NOL8: variants seen among roughly 807,000 people sequenced by gnomAD.
NOL8 encodes the protein nucleolar protein 8.
NOL8 carries 93 observed loss-of-function variants against 116.1 expected under a neutral mutation model. That is an observed-to-expected ratio of 0.80 (90% CI 0.68 to 0.95). NOL8 has a LOEUF of 0.95. NOL8 is among the 40% of genes least tolerant of loss of function. NOL8 has a pLI of 0.00. For missense variants in NOL8, 1,291 were observed against 1,382.8 expected (o/e 0.93, Z 1.05); for synonymous variants, 419 against 469.0 (o/e 0.89, Z 1.38).
chr9:92,321,784 T>C (rs2274967), intron 3 of NOL8, 38 bp from the exon 4 acceptor site: 46,124 of 990,684 alleles, frequency 0.047, 1,428 homozygotes, highest in African/African-American at 0.11. Flanking sequence ...CATGGCAATG[T>C]AAAAATATAT....
At chr9:92,301,011 A>G (rs549184920) in intron 13 of NOL8, among the ~76,000 whole-genome samples, 11 of 152,322 alleles carry the variant, frequency 7.2e-5, no homozygotes, top group African/African-American at 2.6e-4. Flanking sequence ...CCTGTGGCCC[A>G]TGTTGGCCTT....
chr9:92,311,198 G>A lies in NOL8; in HGVS notation c.2420C>T (p.Thr807Ile). The A allele has an allele frequency of 1.9e-6, 3 of 1,613,822 alleles. No homozygotes were observed. Among genetic ancestry groups the A allele is most frequent in the Non-Finnish European group, 2.5e-6 (3 of 1,179,830 alleles). ...CTGCTCCTGAGTCGATGTCTCCTCT[G>A]TTTCACATTCACTGTCAGAACCGAA... ...IIFGSDSECE[T>I]EETSTQEQSH... The change falls in exon 8 of 17, where the codon ACA becomes ATA. Residue 807 changes from threonine (T) to isoleucine (I), a missense_variant. Transcript: ENST00000442668.
At chr9:92,323,572 CG>C in intron 2 of NOL8, 69 bp from the exon 3 acceptor site, 1 of 1,284,768 alleles carries the variant, frequency 7.8e-7, no homozygotes, top group Non-Finnish European at 1.0e-6. Flanking sequence ...AATGTAAAAA[CG>C]GTTGTTTCTA....
At chr9:92,303,574 A>G (rs1293188909) in intron 12 of NOL8, among the ~76,000 whole-genome samples, 1 of 152,194 alleles carries the variant, frequency 6.6e-6, no homozygotes, top group African/African-American at 2.4e-5. Context: ...TGCCTGTCAC[A>G]GAAAAAGTTA....
rs760469224 is a variant in NOL8, at chr9:92,307,019, T to C, written c.2692A>G (p.Asn898Asp). ...TCTTCCTCAGCAGTTTTCTTTTCAT[T>C]TACCTCTTTGAGGAAAAGGGATAAT... ...TDSEEEQEEV[N>D]EKKTAEEEEL... The change falls in exon 11 of 17, where the codon AAT (asparagine) becomes GAT (aspartate). Residue 898 changes from asparagine (N) to aspartate (D), a missense_variant. Physicochemically the swap from Asn to Asp is conservative, Grantham distance 23. Coordinates refer to ENST00000442668, the MANE Select transcript of NOL8 (RefSeq NM_017948.6). 4.4e-6 allele frequency: 7 copies of C among 1,608,556 alleles called. No homozygotes were observed. The highest frequency in any genetic ancestry group is 5.9e-6 in the Non-Finnish European group (7 of 1,178,846).
In NOL8 at chr9:92,315,200, A is replaced by G. The variant is rs761148590; in HGVS notation, c.1425T>C (p.Asn475=). ...LADSEGGEEY[N]AMMKNCLRVN... ...CACGAAGGCAGTTTTTCATCATGGC[A>G]TTATACTCCTCACCTCCTTCAGAGT... The change falls in exon 7 of 17, where the codon AAT becomes AAC. Residue 475 remains asparagine, a synonymous_variant. Transcript: ENST00000442668. The G allele has an allele frequency of 2.5e-6, 4 of 1,613,402 alleles. No individual in the cohort carries two copies. In the East Asian group the frequency reaches 8.9e-5, roughly 36 times the overall value.
chr9:92,300,938 T>G (rs1466076833), intron 13 of NOL8: 101 of 876,748 alleles, frequency 1.2e-4, no homozygotes, highest in Non-Finnish European at 1.3e-4. Flanking sequence ...ATTACCTGCT[T>G]TTACAGTGGG....
intron 10 of NOL8, among the ~76,000 whole-genome samples, chr9:92,309,502 A>G (rs1356099054): frequency 1.3e-5 from 2 of 151,422 alleles, no homozygotes; most frequent in African/African-American, 4.9e-5. Flanking sequence ...CAGGAAGGAG[A>G]AAAAAAAAGA....
At position 92,319,440 on chromosome 9, in the gene NOL8, G is replaced by A. The variant is rs918519153; in HGVS notation, c.282-84C>T. 4.4e-6 allele frequency: 6 copies of A among 1,368,410 alleles called. No homozygotes were observed. In the African/African-American group the frequency reaches 6.1e-5, roughly 14 times the overall value. 84.8% of individuals were successfully genotyped at this position (1,368,410 alleles called of 1,614,324 possible). On this transcript the variant is annotated intron_variant, in intron 4 of 16. Coordinates refer to ENST00000442668, the MANE Select transcript of NOL8 (RefSeq NM_017948.6). ...TATTTCACTTTAGGTGTGCCTAAAT[G>A]AGCACTATAAACAGCTTTGTAGTAT...
rs1298611199 is a variant in NOL8, at chr9:92,305,740, T to A, written c.2903+13A>T. ...TACATGATCCTATTGCTAAAAGAAG[T>A]AGCTCTACTTACCTTTCTTTTGGCT... is the stretch of plus-strand genomic sequence containing the variant. On this transcript the variant is annotated intron_variant, in intron 12 of 16. Transcript: ENST00000442668. 6.4e-7 allele frequency: 1 copy of A among 1,555,928 alleles called. No homozygotes were observed. Among genetic ancestry groups the A allele is most frequent in the African/African-American group, 1.4e-5 (1 of 72,966 alleles).
At position 92,319,336 on chromosome 9, in the gene NOL8, G is replaced by A; in HGVS notation, c.302C>T (p.Ala101Val). 1 of 1,589,666 alleles carries A rather than the reference G, an allele frequency of 6.3e-7. No individual in the cohort carries two copies. Among genetic ancestry groups the A allele is most frequent in the Non-Finnish European group, 8.5e-7 (1 of 1,171,168 alleles). The change falls in exon 5 of 17, where the codon GCA becomes GTA. Residue 101 changes from alanine (A) to valine (V), a missense_variant. By Grantham distance (64) the Ala-to-Val change is moderately conservative (BLOSUM62 0). Coordinates refer to ENST00000442668, the MANE Select transcript of NOL8 (RefSeq NM_017948.6). ...TGATTCTTCTTTCTTAGCTTTTGCTGCTTCTCTCTCTTGGGCCAATCTGAA... is the reference window on the plus strand; with the variant it reads ...TGATTCTTCTTTCTTAGCTTTTGCTACTTCTCTCTCTTGGGCCAATCTGAA... The part of the protein sequence containing the change: ...FLHRLAQERE[A>V]AKAKKEESTT...
At position 92,298,869 on chromosome 9, in the gene NOL8, A is replaced by G; in HGVS notation, c.3373+15T>C. The G allele has an allele frequency of 6.8e-7, 1 of 1,473,734 alleles. No homozygotes were observed. The highest frequency in any genetic ancestry group is 9.2e-7 in the Non-Finnish European group (1 of 1,091,960). The allele number at this position is 1,473,734 out of a possible 1,614,324, so 91.3% of individuals were successfully genotyped here. A position where few individuals can be genotyped will look rare whatever the true frequency, so the allele number is the denominator to read the frequency against. On this transcript the variant is annotated intron_variant, in intron 15 of 16. Coordinates refer to ENST00000442668, the MANE Select transcript of NOL8 (RefSeq NM_017948.6). ...CTGTTCTATGTATGTAATTTGATGA[A>G]AAAAATGGACTGACCTTGAAGTCGT...
intron 5 of NOL8, 145 bp downstream of exon 5, chr9:92,319,076 A>C: frequency 1.2e-6 from 1 of 819,794 alleles, no homozygotes; most frequent in Non-Finnish European, 1.8e-6. Context: ...ATGCACCTTG[A>C]AAATCATAAA....
At chr9:92,319,093 T>C in intron 5 of NOL8, 128 bp downstream of exon 5, 2 of 960,836 alleles carry the variant, frequency 2.1e-6, no homozygotes, top group Non-Finnish European at 3.0e-6. Flanking sequence ...TAAAGTCCTA[T>C]CTATGTTAAT....
intron 8 of NOL8, 62 bp from the exon 9 acceptor site, chr9:92,310,737 C>T (rs997039857): frequency 6.0e-6 from 9 of 1,512,568 alleles, no homozygotes; most frequent in East Asian, 4.6e-5. Context: ...CCCTTCATAA[C>T]GTAATCTTCT....
intron 3 of NOL8, 111 bp from the exon 4 acceptor site, chr9:92,321,857 G>C: frequency 3.4e-6 from 2 of 591,370 alleles, no homozygotes; most frequent in Non-Finnish European, 5.7e-6. Context: ...ATCACAAAGA[G>C]ATCCAGGGGA....
intron 7 of NOL8, among the ~76,000 whole-genome samples, chr9:92,312,286 C>G (rs1339522319): frequency 6.6e-6 from 1 of 151,524 alleles, no homozygotes; most frequent in Non-Finnish European, 1.5e-5. Flanking sequence ...GAAACCCCAT[C>G]TCTACAAAAA....
rs370960694 is a variant in NOL8, at chr9:92,301,713, T to C, written c.3013A>G (p.Lys1005Glu). The part of the protein sequence containing the change: ...MDLKEIFQTT[K>E]YTSEKEEGTP... The stretch of plus-strand genomic sequence containing the variant: ...CCCTCTTCCTTTTCACTGGTATATT[T>C]TGTAGTTTGGAATATTTCTTTCAGA... The change falls in exon 13 of 17, where the codon AAA becomes GAA. Residue 1005 changes from lysine (K) to glutamate (E), a missense_variant. Transcript: ENST00000442668. 1.4e-5 allele frequency: 23 copies of C among 1,608,506 alleles called. No individual in the cohort carries two copies. The East Asian group carries it at 1.8e-4, about 12-fold the overall frequency.
At chr9:92,319,087 G>A in intron 5 of NOL8, 134 bp downstream of exon 5, 1 of 901,138 alleles carries the variant, frequency 1.1e-6, no homozygotes. Flanking sequence ...AAATCATAAA[G>A]TCCTATCTAT....
Sources: gnomAD v4.1 joint callset for allele counts (sites outside exome capture counted in the v4.1 genomes callset) on GRCh38, gnomAD v4.1.1 for gene constraint, MANE v1.5 for transcripts, NCBI Gene and HGNC (gene_info 2026-07-23, HGNC 2026-07-21) for gene names.